The following IGF1R variants were observed in gnomAD, a reference collection of about 807,000 sequenced individuals.
IGF1R encodes insulin like growth factor 1 receptor, also known as insulin-like growth factor 1 receptor.
IGF1R carries 44 observed loss-of-function variants against 144.6 expected under a neutral mutation model. That is an observed-to-expected ratio of 0.30 (90% CI 0.24 to 0.39). The LOEUF (loss-of-function observed/expected upper bound fraction) is 0.39. IGF1R is among the 10% of genes least tolerant of loss of function. The pLI is 1.00. For missense variants in IGF1R, 1,355 were observed against 1,833.7 expected (o/e 0.74, Z 4.77); for synonymous variants, 795 against 722.8 (o/e 1.10, Z -1.60).
intron 2 of IGF1R, among the ~76,000 whole-genome samples, chr15:98,884,517 AC>A (rs1349170775): frequency 6.6e-6 from 1 of 151,802 alleles, no homozygotes; most frequent in Non-Finnish European, 1.5e-5. Context: ...ACACGGTGAA[AC>A]CCTGTCTCTG....
chr15:98,732,932 C>A (rs973341384), intron 2 of IGF1R, among the ~76,000 whole-genome samples: 2 of 152,044 alleles, frequency 1.3e-5, no homozygotes, highest in Non-Finnish European at 2.9e-5. Flanking sequence ...TGGGAGGGGT[C>A]AGTGGGACGA....
At position 98,707,713 on chromosome 15, in the gene IGF1R, C is replaced by T. The variant is rs1218418397; in HGVS notation, c.246C>T (p.Thr82=). ...GCTTCCCCAAGCTCACGGTCATTAC[C>T]GAGTACTTGCTGCTGTTCCGAGTGG... ...SYRFPKLTVI[T]EYLLLFRVAG... The change falls in exon 2 of 21, where the codon ACC becomes ACT. Residue 82 remains threonine, a synonymous_variant. Coordinates refer to ENST00000650285, the MANE Select transcript of IGF1R (RefSeq NM_000875.5). The surrounding 1 kb of genome is among the most constrained non-coding windows in gnomAD (Gnocchi z 6.7). The T allele has an allele frequency of 5.6e-6, 9 of 1,614,054 alleles. No homozygotes were observed. The highest frequency in any genetic ancestry group is 5.3e-5 in the African/African-American group (4 of 74,910).
intron 1 of IGF1R, among the ~76,000 whole-genome samples, chr15:98,663,313 G>T (rs546679776): frequency 6.6e-6 from 1 of 152,204 alleles, no homozygotes; most frequent in Admixed American, 6.5e-5. Flanking sequence ...GGCAGCTCCC[G>T]AGGAGACACC....
At chr15:98,894,827 G>A (rs2014098642) in intron 3 of IGF1R, among the ~76,000 whole-genome samples, 1 of 151,978 alleles carries the variant, frequency 6.6e-6, no homozygotes, top group Non-Finnish European at 1.5e-5. Context: ...CTTGAGGTCA[G>A]GAGGCCAACA....
intron 2 of IGF1R, among the ~76,000 whole-genome samples, chr15:98,864,221 C>T (rs1398825098): frequency 6.6e-6 from 1 of 152,198 alleles, no homozygotes; most frequent in Non-Finnish European, 1.5e-5. Flanking sequence ...TGCCCCTGCT[C>T]TCCAGCCTGG....
At chr15:98,770,771 C>G (rs529277560) in intron 2 of IGF1R, among the ~76,000 whole-genome samples, 1 of 152,106 alleles carries the variant, frequency 6.6e-6, no homozygotes, top group Admixed American at 6.5e-5. Flanking sequence ...CTGCCGTGTC[C>G]TGGTTCTACT....
At chr15:98,874,202 A>G (rs1214536184) in intron 2 of IGF1R, among the ~76,000 whole-genome samples, 1 of 152,194 alleles carries the variant, frequency 6.6e-6, no homozygotes, top group Non-Finnish European at 1.5e-5. Context: ...TAGGAAGAGC[A>G]AGTCTTCCCA....
rs558057500 is a variant in IGF1R at position 98,962,923 on chromosome 15, C to T, written c.*5481C>T. ...GCATGACTTTAGCGTTTTGTTTCTG[C>T]GAGAACATAACGATCACTCATTTTT... On this transcript the variant is annotated 3_prime_UTR_variant, in exon 21 of 21. Coordinates refer to ENST00000650285, the MANE Select transcript of IGF1R (RefSeq NM_000875.5). The T allele has an allele frequency of 3.4e-5, 8 of 233,540 alleles. No homozygotes were observed. The highest frequency in any genetic ancestry group is 1.2e-4 in the East Asian group (2 of 16,610). 14.5% of individuals were successfully genotyped at this position (233,540 alleles called of 1,614,324 possible). A position where few individuals can be genotyped will look rare whatever the true frequency, so the allele number is the denominator to read the frequency against.
intron 6 of IGF1R, among the ~76,000 whole-genome samples, chr15:98,909,477 T>G (rs565738249): frequency 9.2e-5 from 14 of 152,254 alleles, no homozygotes; most frequent in South Asian, 6.2e-4. Flanking sequence ...CAGGCTGGCC[T>G]CAAACTCCTG....
At chr15:98,691,367 GTTT>G (rs746317149) in intron 1 of IGF1R, among the ~76,000 whole-genome samples, 1 of 132,144 alleles carries the variant, frequency 7.6e-6, no homozygotes, top group African/African-American at 2.9e-5. Context: ...GGTTTTTTTT[GTTT>G]TTTTTTTTTT....
chr15:98,811,232 T>C (rs1451713760), intron 2 of IGF1R, among the ~76,000 whole-genome samples: 1 of 149,422 alleles, frequency 6.7e-6, no homozygotes, highest in Admixed American at 6.6e-5. Context: ...ACCCAGGAGT[T>C]GGAGGTTGCG....
Position 98,649,490 on chromosome 15 carries a change from TTG to T in IGF1R, c.-90_-89del, listed in dbSNP as rs2141154446. Reference sequence around the variant, plus strand: ...GGGGAGCGAAGACTGAGTTTGAGACTTGTTTCCTTTCATTTCCTTTTTTTCTT... The same window carrying T: ...GGGGAGCGAAGACTGAGTTTGAGACTTTTCCTTTCATTTCCTTTTTTTCTT... On this transcript the variant is annotated 5_prime_UTR_variant, in exon 1 of 21. Coordinates refer to ENST00000650285, the MANE Select transcript of IGF1R (RefSeq NM_000875.5). 2 of 901,922 alleles carry T rather than the reference TTG, an allele frequency of 2.2e-6. No homozygotes were observed. Among genetic ancestry groups the T allele is most frequent in the African/African-American group, 1.7e-5 (1 of 58,706 alleles). The allele number at this position is 901,922 out of a possible 1,614,324, so 55.9% of individuals were successfully genotyped here. A position where few individuals can be genotyped will look rare whatever the true frequency, so the allele number is the denominator to read the frequency against.
intron 4 of IGF1R, among the ~76,000 whole-genome samples, 178 bp downstream of exon 4, chr15:98,897,083 T>C (rs1418664229): frequency 6.6e-6 from 1 of 152,190 alleles, no homozygotes; most frequent in Non-Finnish European, 1.5e-5. Flanking sequence ...AAGAACAGAT[T>C]GAAAGGCAAT....
intron 2 of IGF1R, among the ~76,000 whole-genome samples, chr15:98,765,817 G>A (rs890453472): frequency 2.0e-5 from 3 of 152,214 alleles, no homozygotes; most frequent in African/African-American, 7.2e-5. Flanking sequence ...TTCTCAGCCA[G>A]TGTGCACCTG....
chr15:98,736,896 G>T (rs1464260367), intron 2 of IGF1R, among the ~76,000 whole-genome samples: 1 of 152,132 alleles, frequency 6.6e-6, no homozygotes, highest in Non-Finnish European at 1.5e-5. Context: ...ACAGGCGTGA[G>T]CCACCGAGCC....
intron 2 of IGF1R, among the ~76,000 whole-genome samples, chr15:98,819,723 T>G (rs2056767310): frequency 1.3e-5 from 2 of 152,326 alleles, no homozygotes; most frequent in African/African-American, 4.8e-5. Context: ...TTAATAACTT[T>G]AAAAAGATTT....
chr15:98,680,324 T>C, intron 1 of IGF1R, among the ~76,000 whole-genome samples: 1 of 151,794 alleles, frequency 6.6e-6, no homozygotes. Flanking sequence ...TGGAGTGCAG[T>C]GGTGCAGTCT....
chr15:98,728,032 G>A (rs898698788), intron 2 of IGF1R, among the ~76,000 whole-genome samples: 4 of 33,174 alleles, frequency 1.2e-4, no homozygotes, highest in Non-Finnish European at 3.5e-4. Context: ...TTTTTTTTAA[G>A]CGAGCAGCAG....
chr15:98,787,980 T>C (rs2056037503), intron 2 of IGF1R, among the ~76,000 whole-genome samples: 1 of 151,832 alleles, frequency 6.6e-6, no homozygotes, highest in Admixed American at 6.6e-5. Flanking sequence ...TTCACCACGC[T>C]TGATGGCAGA....
Sources: gnomAD v4.1 joint callset for allele counts (sites outside exome capture counted in the v4.1 genomes callset) on GRCh38, gnomAD v4.1.1 for gene constraint, Gnocchi (gnomAD v3.1) non-coding constraint, MANE v1.5 for transcripts, NCBI Gene and HGNC (gene_info 2026-07-23, HGNC 2026-07-21) for gene names.